Variants in MOV10 observed in about 807,000 individuals in gnomAD.
The protein encoded by MOV10 is Mov10 RNA helicase.
MOV10 carries 39 observed loss-of-function variants against 108.4 expected under a neutral mutation model. That is an observed-to-expected ratio of 0.36 (90% confidence interval 0.28 to 0.47). MOV10 has a LOEUF of 0.47. Among genes scored for constraint, MOV10 ranks in the 20% least tolerant of loss-of-function variants. The probability of loss-of-function intolerance (pLI) is 1.00; values close to 1 mark genes in which losing one functional copy is unlikely to be tolerated. For missense variants in MOV10, 952 were observed against 1,297.6 expected (o/e 0.73, Z 4.09); for synonymous variants, 490 against 523.1 (o/e 0.94, Z 0.86).
rs1300039529 is a variant in MOV10 at position 112,689,022 on chromosome 1, G to C, written c.225G>C (p.Arg75Ser). The C allele has an allele frequency of 6.2e-7, 1 of 1,612,620 alleles. No individual in the cohort carries two copies. The highest frequency in any genetic ancestry group is 8.5e-7 in the Non-Finnish European group (1 of 1,180,032). The change falls in exon 3 of 21, where the codon AGG (arginine) becomes AGC (serine). Residue 75 changes from arginine (R) to serine (S), a missense_variant. Physicochemically the swap from Arg to Ser is moderately radical, Grantham distance 110. Transcript: ENST00000369645. ...CCTACGTCACCAAGACTCGGGTCAGGTTCTTCAGACTCGACCGCTGGGCCG... is the reference window on the plus strand; with the variant it reads ...CCTACGTCACCAAGACTCGGGTCAGCTTCTTCAGACTCGACCGCTGGGCCG... Reference protein sequence around the residue: ...NLAYVTKTRVRFFRLDRWADV... With the variant: ...NLAYVTKTRVSFFRLDRWADV...
chr1:112,674,539 C>T (rs1287016042), upstream of MOV10: 1 of 163,448 alleles, frequency 6.1e-6, no homozygotes, highest in African/African-American at 2.4e-5. Flanking sequence ...GTAGCCCTGG[C>T]TGAGGCTCGG....
intron 17 of MOV10, chr1:112,699,406 A>C: frequency 2.1e-5 from 25 of 1,209,924 alleles, no homozygotes; most frequent in Non-Finnish European, 2.6e-5. Context: ...AAAGTTTGAA[A>C]GTCACTGCTC....
Position 112,698,066 on chromosome 1 carries a change from C to G in MOV10, c.2271C>G (p.Val757=), listed in dbSNP as rs376733786. Residue 757 remains valine (V), a synonymous_variant, in exon 15 of 21, where the codon GTC becomes GTG. Coordinates refer to ENST00000369645, the MANE Select transcript of MOV10 (RefSeq NM_001321324.2). ...YEGELQACAD[V]VDRERFCRWA... ...GGGAGCTGCAGGCCTGTGCTGATGT[C>G]GTGGATCGAGAACGCTTCTGCCGCT... is the stretch of plus-strand genomic sequence containing the variant. The G allele has an allele frequency of 1.9e-6, 3 of 1,614,200 alleles. No individual in the cohort carries two copies. Among genetic ancestry groups the G allele is most frequent in the Non-Finnish European group, 2.5e-6 (3 of 1,180,040 alleles).
At position 112,694,902 on chromosome 1, in the gene MOV10, G is replaced by A. The variant is rs370695276; in HGVS notation, c.1620+6G>A. ...TAGTGGAGGCAATTAAGCAGGTGGG[G>A]TCTGAGCACAAACCTGGGGCCTGCA... On this transcript the variant is annotated splice_donor_region_variant and intron_variant, in intron 10 of 20. Coordinates refer to ENST00000369645, the MANE Select transcript of MOV10 (RefSeq NM_001321324.2). The surrounding 1 kb of genome is among the most constrained non-coding windows in gnomAD (Gnocchi z 4.1). 5.0e-6 allele frequency: 8 copies of A among 1,613,414 alleles called. No homozygotes were observed. The African/African-American group carries it at 5.3e-5, about 11-fold the overall frequency.
At chr1:112,699,589 A>C (rs1317577541) in intron 17 of MOV10, 96 bp from the exon 18 acceptor site, 2 of 1,555,812 alleles carry the variant, frequency 1.3e-6, no homozygotes. Context: ...TTGCCCAGTG[A>C]CCTCTCTGTA....
At chr1:112,688,629 G>A (rs1024672738) in intron 2 of MOV10, 2 of 1,283,430 alleles carry the variant, frequency 1.6e-6, no homozygotes, top group African/African-American at 1.5e-5. Flanking sequence ...GTCTTTCTCT[G>A]TCTTCCCTCA....
At chr1:112,695,702 C>A in intron 11 of MOV10, 128 bp downstream of exon 11, 1 of 1,049,986 alleles carries the variant, frequency 9.5e-7, no homozygotes, top group Non-Finnish European at 1.3e-6. Context: ...TTGGACAGGA[C>A]CCCTCCCTGG....
At chr1:112,686,034 G>A (rs1293047606) in intron 2 of MOV10, among the ~76,000 whole-genome samples, 2 of 152,176 alleles carry the variant, frequency 1.3e-5, no homozygotes, top group Admixed American at 6.5e-5. Flanking sequence ...TACTGGCCCC[G>A]TTCGAAGATA....
At chr1:112,698,918 A>T (rs1443484499) in intron 17 of MOV10, 129 bp downstream of exon 17, 1 of 787,782 alleles carries the variant, frequency 1.3e-6, no homozygotes, top group African/African-American at 1.7e-5. Flanking sequence ...ATAGAGCTCG[A>T]GCTCTCCCTG....
rs1046229399 is a variant in MOV10, at chr1:112,695,341, A to G, written c.1621-75A>G. On this transcript the variant is annotated intron_variant, in intron 10 of 20. Coordinates refer to ENST00000369645, the MANE Select transcript of MOV10 (RefSeq NM_001321324.2). The stretch of plus-strand genomic sequence containing the variant: ...ACCATTCACATTTCAGTCATCATAG[A>G]CTTGCCCTGCCCCAGCCTGGGTACG... 5 of 1,489,960 alleles carry G rather than the reference A, an allele frequency of 3.4e-6. No individual in the cohort carries two copies. In the African/African-American group the frequency reaches 6.9e-5, roughly 21 times the overall value. The allele number at this position is 1,489,960 out of a possible 1,614,324, so 92.3% of individuals were successfully genotyped here.
chr1:112,689,771 G>A (rs1270306354), intron 4 of MOV10, 69 bp from the exon 5 acceptor site: 1 of 1,587,212 alleles, frequency 6.3e-7, no homozygotes, highest in African/African-American at 1.3e-5. Context: ...GGCTTCCTGG[G>A]GGAGTGTCCG....
intron 5 of MOV10, 87 bp from the exon 6 acceptor site, chr1:112,691,578 A>G (rs1673587944): frequency 6.6e-7 from 1 of 1,512,920 alleles, no homozygotes; most frequent in African/African-American, 1.4e-5. Context: ...GGATTGCAGG[A>G]GGGCTTTGTG....
In MOV10 at chr1:112,689,591, G is replaced by A. The variant is rs574586722; in HGVS notation, c.518G>A (p.Arg173Gln). 66 of 1,614,166 alleles carry A rather than the reference G, an allele frequency of 4.1e-5. 1 individual carries two copies. The South Asian group carries it at 5.4e-4, about 13-fold the overall frequency. Residue 173 changes from arginine to glutamine, a missense_variant, in exon 4 of 21, where the codon CGG (arginine) becomes CAG (glutamine). Physicochemically the swap from Arg to Gln is conservative, Grantham distance 43 (BLOSUM62 1). Around this residue, in one of 5 missense-constraint regions of MOV10, gnomAD observed 374 missense variants for 468.6 expected, o/e 0.80. Transcript: ENST00000369645. ...VTLTHLFPLC[R>Q]TPQFAFYNED... is the part of the protein sequence containing the mutation. ...CTCACTCACCTCTTCCCACTCTGCC[G>A]GACACCCCAGTTTGCTTTCTACAAT...
In MOV10 at chr1:112,675,103, A is replaced by AC. The variant is rs1442786258; in HGVS notation, c.137+59dup. 7 of 1,557,240 alleles carry AC rather than the reference A, an allele frequency of 4.5e-6. No homozygotes were observed. Among genetic ancestry groups the AC allele is most frequent in the African/African-American group, 2.9e-5 (2 of 69,942 alleles). ...ATCGCGGGCCCAGCTTGCTGCCACG[A>AC]CCCCCGCGCGAGGGCCACCTTTCCC... On this transcript the variant is annotated intron_variant, in intron 2 of 20. Transcript: ENST00000369645. The surrounding 1 kb of genome is among the most constrained non-coding windows in gnomAD (Gnocchi z 4.7).
At chr1:112,699,484 C>G in intron 17 of MOV10, 3 of 1,425,666 alleles carry the variant, frequency 2.1e-6, no homozygotes, top group African/African-American at 1.4e-5. Context: ...CAGCCCTCAG[C>G]AGGATTCAAC....
chr1:112,693,217 C>A (rs1673742609), intron 7 of MOV10, among the ~76,000 whole-genome samples: 1 of 152,206 alleles, frequency 6.6e-6, no homozygotes, highest in Non-Finnish European at 1.5e-5. Context: ...CTGGATAATT[C>A]TTAGAGCTCT....
At chr1:112,700,090 C>T in intron 19 of MOV10, 108 bp downstream of exon 19, 1 of 1,582,420 alleles carries the variant, frequency 6.3e-7, no homozygotes, top group Admixed American at 1.7e-5. Flanking sequence ...TCAGATGTGT[C>T]CATTTTCACA....
In MOV10 at chr1:112,694,734, T is replaced by C. The variant is rs1459096311; in HGVS notation, c.1473-15T>C. 2 of 1,613,110 alleles carry C rather than the reference T, an allele frequency of 1.2e-6. No individual in the cohort carries two copies. The highest frequency in any genetic ancestry group is 2.2e-5 in the South Asian group (2 of 90,992). ...CTGGATGACTTCAAGTTCACATTCC[T>C]GGTCCCTCTGCCAGGCTGTACGACC... On this transcript the variant is annotated splice_polypyrimidine_tract_variant and intron_variant, in intron 9 of 20. Transcript: ENST00000369645. This position sits in a 1 kb window ranked among gnomAD's most constrained non-coding sequence, Gnocchi z 4.1.
Position 112,694,925 on chromosome 1 carries a change from G to A in MOV10, c.1620+29G>A. ...GGGTCTGAGCACAAACCTGGGGCCTGCACTCTGATTCCCCCAGCACCAAGC... is the reference window on the plus strand; with the variant it reads ...GGGTCTGAGCACAAACCTGGGGCCTACACTCTGATTCCCCCAGCACCAAGC... On this transcript the variant is annotated intron_variant, in intron 10 of 20. Transcript: ENST00000369645. The surrounding 1 kb of genome is among the most constrained non-coding windows in gnomAD (Gnocchi z 4.1). The A allele has an allele frequency of 6.2e-7, 1 of 1,601,576 alleles. No homozygotes were observed. Among genetic ancestry groups the A allele is most frequent in the Non-Finnish European group, 8.5e-7 (1 of 1,171,528 alleles).
Sources: allele counts gnomAD v4.1 joint callset (sites outside exome capture counted in the v4.1 genomes callset), GRCh38; gene constraint gnomAD v4.1.1; regional missense constraint gnomAD v4.1.1; non-coding constraint Gnocchi (gnomAD v3.1); transcripts MANE v1.5; gene names NCBI Gene and HGNC (gene_info 2026-07-23, HGNC 2026-07-21).